Variants in MAGI3 observed in about 807,000 individuals in gnomAD.
MAGI3 encodes membrane associated guanylate kinase, WW and PDZ domain containing 3, also known as membrane-associated guanylate kinase, WW and PDZ domain-containing protein 3.
MAGI3 carries 43 observed loss-of-function variants against 121.8 expected under a neutral mutation model. The observed-to-expected ratio is 0.35, with a 90% confidence interval of 0.28 to 0.46. The LOEUF (loss-of-function observed/expected upper bound fraction) is 0.46. Among genes scored for constraint, MAGI3 ranks in the 20% least tolerant of loss-of-function variants. The pLI is 1.00. For synonymous variants in MAGI3, 553 were observed against 639.3 expected (o/e 0.86, Z 2.04); for missense variants, 1,547 against 1,797.3 (o/e 0.86, Z 2.52).
At chr1:113,635,043 T>C (rs1651914532) in intron 9 of MAGI3, among the ~76,000 whole-genome samples, 1 of 152,220 alleles carries the variant, frequency 6.6e-6, no homozygotes, top group African/African-American at 2.4e-5. Flanking sequence ...TTGTCTGTTA[T>C]TGGTGTATAA....
chr1:113,650,022 A>G (rs1033296757), intron 13 of MAGI3, among the ~76,000 whole-genome samples: 31 of 152,228 alleles, frequency 2.0e-4, no homozygotes, highest in Admixed American at 9.8e-4. Flanking sequence ...ATTTTTAAGA[A>G]CATATTTGCA....
chr1:113,605,555 G>A (rs1235857621), intron 6 of MAGI3, among the ~76,000 whole-genome samples: 2 of 152,104 alleles, frequency 1.3e-5, no homozygotes, highest in Admixed American at 6.6e-5. Context: ...AGTTACACAG[G>A]CATATCCAGT....
intron 19 of MAGI3, among the ~76,000 whole-genome samples, chr1:113,680,633 T>TGTA (rs1209565745): frequency 1.3e-5 from 2 of 152,026 alleles, no homozygotes; most frequent in East Asian, 3.9e-4. Context: ...GGCGGGCGCC[T>TGTA]GTAGTCCCAA....
At chr1:113,478,773 C>T (rs1655976401) in intron 1 of MAGI3, among the ~76,000 whole-genome samples, 1 of 152,224 alleles carries the variant, frequency 6.6e-6, no homozygotes, top group South Asian at 2.1e-4. Flanking sequence ...AACCACTGCT[C>T]TCTTCAGAGC....
chr1:113,396,823 AT>A (rs1651140037), intron 1 of MAGI3, among the ~76,000 whole-genome samples: 2 of 152,164 alleles, frequency 1.3e-5, no homozygotes. Flanking sequence ...TTAATGACTC[AT>A]TGGTAAGGAA....
Position 113,590,531 on chromosome 1 carries a change from C to T in MAGI3, c.811C>T (p.Pro271Ser), listed in dbSNP as rs867074874. The change falls in exon 5 of 21, where the codon CCA becomes TCA. Residue 271 changes from proline (P) to serine (S), a missense_variant. Transcript: ENST00000307546. The stretch of plus-strand genomic sequence containing the variant: ...GTCATCTGACTGGATGAAGACTGTT[C>T]CAAGTTACAACCAAACAAATAGCTC... ...SESSDWMKTVPSYNQTNSSMD... is the reference protein window; with the variant it reads ...SESSDWMKTVSSYNQTNSSMD... The T allele has an allele frequency of 6.2e-7, 1 of 1,613,540 alleles. No individual in the cohort carries two copies. Among genetic ancestry groups the T allele is most frequent in the African/African-American group, 1.3e-5 (1 of 74,860 alleles).
At chr1:113,520,567 T>A (rs568330538) in intron 1 of MAGI3, among the ~76,000 whole-genome samples, 15 of 152,188 alleles carry the variant, frequency 9.9e-5, no homozygotes, top group African/African-American at 3.1e-4. Context: ...GGGCTTTTTT[T>A]TAAAAAAAAT....
intron 15 of MAGI3, among the ~76,000 whole-genome samples, chr1:113,657,303 C>A (rs947142800): frequency 3.9e-5 from 6 of 152,168 alleles, no homozygotes; most frequent in African/African-American, 1.4e-4. Flanking sequence ...TCAGAAGCTA[C>A]CTTTCTACTG....
intron 2 of MAGI3, among the ~76,000 whole-genome samples, chr1:113,574,287 G>T (rs1193089845): frequency 6.6e-6 from 1 of 152,072 alleles, no homozygotes; most frequent in Non-Finnish European, 1.5e-5. Flanking sequence ...TCTTCATAGG[G>T]TTGTTGGTCT....
At chr1:113,533,785 CTT>C (rs77624151) in intron 1 of MAGI3, among the ~76,000 whole-genome samples, 24 of 135,192 alleles carry the variant, frequency 1.8e-4, no homozygotes, top group Non-Finnish European at 2.4e-4. Context: ...TTTTCTTTTT[CTT>C]TTTTTTTTTT....
chr1:113,466,525 C>G (rs1002725654), intron 1 of MAGI3, among the ~76,000 whole-genome samples: 2 of 152,014 alleles, frequency 1.3e-5, no homozygotes, highest in Non-Finnish European at 2.9e-5. Flanking sequence ...TATATTCCCT[C>G]TGGTTCAATT....
intron 7 of MAGI3, chr1:113,618,436 A>C (rs1165568668): frequency 7.3e-6 from 3 of 411,768 alleles, no homozygotes; most frequent in Non-Finnish European, 1.4e-5. Context: ...ACCTAAAAAC[A>C]ATCATGTTCT....
At chr1:113,577,905 T>C (rs1045880040) in intron 2 of MAGI3, among the ~76,000 whole-genome samples, 1 of 152,336 alleles carries the variant, frequency 6.6e-6, no homozygotes, top group South Asian at 2.1e-4. Flanking sequence ...TTTTAAATTG[T>C]TTTTTAGTCA....
chr1:113,666,194 A>G (rs1325281281), intron 16 of MAGI3, among the ~76,000 whole-genome samples: 1 of 152,130 alleles, frequency 6.6e-6, no homozygotes, highest in African/African-American at 2.4e-5. Context: ...GGCTGTAGCA[A>G]TTTCTTAAAA....
At chr1:113,514,012 A>G (rs550482687) in intron 1 of MAGI3, among the ~76,000 whole-genome samples, 1 of 152,066 alleles carries the variant, frequency 6.6e-6, no homozygotes, top group Non-Finnish European at 1.5e-5. Context: ...CAGCCAAAAA[A>G]CACATGAAAA....
At position 113,585,384 on chromosome 1, in the gene MAGI3, C is replaced by G; in HGVS notation, c.554-3C>G. The stretch of plus-strand genomic sequence containing the variant: ...ATTTCAGCTGCTATTTTATTCACTT[C>G]AGGAAACTTCTATGGAACTCCCAAG... On this transcript the variant is annotated splice_region_variant and splice_polypyrimidine_tract_variant and intron_variant, in intron 3 of 20. Transcript: ENST00000307546. The G allele has an allele frequency of 6.2e-7, 1 of 1,613,576 alleles. No homozygotes were observed. The highest frequency in any genetic ancestry group is 8.5e-7 in the Non-Finnish European group (1 of 1,179,634).
At chr1:113,472,818 CTT>C (rs1655608184) in intron 1 of MAGI3, among the ~76,000 whole-genome samples, 1 of 152,010 alleles carries the variant, frequency 6.6e-6, no homozygotes, top group African/African-American at 2.4e-5. Context: ...CTGATAACAA[CTT>C]GACTTCAAAT....
intron 3 of MAGI3, among the ~76,000 whole-genome samples, chr1:113,581,296 T>A (rs1312637247): frequency 1.3e-5 from 2 of 152,202 alleles, no homozygotes; most frequent in Non-Finnish European, 2.9e-5. Context: ...ATTGCCTGTT[T>A]ATAAGCTCTG....
intron 1 of MAGI3, among the ~76,000 whole-genome samples, chr1:113,476,443 A>G (rs958571998): frequency 3.9e-5 from 6 of 152,226 alleles, no homozygotes; most frequent in African/African-American, 1.4e-4. Flanking sequence ...ATTGGTTTCA[A>G]AGAACATCTT....
Sources: gnomAD v4.1 joint callset for allele counts (sites outside exome capture counted in the v4.1 genomes callset) on GRCh38, gnomAD v4.1.1 for gene constraint, MANE v1.5 for transcripts, NCBI Gene and HGNC (gene_info 2026-07-23, HGNC 2026-07-21) for gene names.